Variants in ZNF385D observed in about 807,000 individuals in gnomAD.
ZNF385D encodes the protein zinc finger protein 385D.
In ZNF385D, 15 loss-of-function variants were observed where a neutral mutation model predicts 35.8. The ratio of observed to expected loss-of-function variants is 0.42; its 90% CI spans 0.28 to 0.64. The LOEUF (loss-of-function observed/expected upper bound fraction) is 0.64. Ranked by LOEUF, ZNF385D falls within the 30% of genes least tolerant of loss-of-function variation. The pLI is 0.23. For synonymous variants in ZNF385D, 212 were observed against 186.8 expected (o/e 1.13, Z -1.10); for missense variants, 474 against 494.6 (o/e 0.96, Z 0.39).
chr3:22,287,710 C>T (rs529806397), intron 2 of ZNF385D, among the ~76,000 whole-genome samples: 1 of 152,106 alleles, frequency 6.6e-6, no homozygotes, highest in African/African-American at 2.4e-5. Flanking sequence ...TTGCATCCCT[C>T]AACAAGATAT....
chr3:22,184,818 A>G (rs977603564), intron 2 of ZNF385D, among the ~76,000 whole-genome samples: 2 of 152,154 alleles, frequency 1.3e-5, no homozygotes, highest in Non-Finnish European at 2.9e-5. Context: ...AAACAAAACG[A>G]AAAAGGACAA....
intron 2 of ZNF385D, among the ~76,000 whole-genome samples, chr3:22,334,592 T>C (rs1695082824): frequency 6.6e-6 from 1 of 152,202 alleles, no homozygotes; most frequent in Non-Finnish European, 1.5e-5. Context: ...AAAGTTATCA[T>C]CTGACCATAA....
chr3:22,168,994 T>C (rs1418862430), exon 3 of ZNF385D: 6 of 985,758 alleles, frequency 6.1e-6, no homozygotes, highest in African/African-American at 1.7e-5. Flanking sequence ...TCATCAGGTA[T>C]TAATTCAGCC....
chr3:21,977,909 G>A (rs1022353486), intron 3 of ZNF385D, among the ~76,000 whole-genome samples: 1 of 152,098 alleles, frequency 6.6e-6, no homozygotes, highest in African/African-American at 2.4e-5. Context: ...CGAGTAGAAT[G>A]CAGGCTGTTT....
chr3:22,191,299 T>C (rs1190690756), intron 2 of ZNF385D, among the ~76,000 whole-genome samples: 1 of 151,948 alleles, frequency 6.6e-6, no homozygotes, highest in Admixed American at 6.6e-5. Context: ...GAGAACAGCC[T>C]CAACATGGAG....
At chr3:21,564,441 G>C (rs1002036624) in intron 3 of ZNF385D, 133 bp downstream of exon 3, 17 of 498,610 alleles carry the variant, frequency 3.4e-5, no homozygotes, top group Non-Finnish European at 5.4e-5. Context: ...CACATAGTGA[G>C]TTAAAATGTT....
intron 3 of ZNF385D, among the ~76,000 whole-genome samples, chr3:21,894,120 T>C (rs1273053018): frequency 6.6e-6 from 1 of 152,184 alleles, no homozygotes; most frequent in Non-Finnish European, 1.5e-5. Context: ...CATAGTCATA[T>C]ATATCAAAAC....
chr3:21,646,203 G>A lies in ZNF385D; in HGVS notation c.165+18683C>T, dbSNP rs771426343. On this transcript the variant is annotated intron_variant, in intron 2 of 7. Transcript: ENST00000281523. This position sits in a 1 kb window ranked among gnomAD's most constrained non-coding sequence, Gnocchi z 4.3. ...GTATAATTTTTAGGGTGTCAAAACC[G>A]GCCATGTAAGTATATGCAATCATGG... Among the ~76,000 whole-genome samples, 7 of 152,132 alleles carry A rather than the reference G, an allele frequency of 4.6e-5. No individual in the cohort carries two copies. The highest frequency in any genetic ancestry group is 1.2e-4 in the African/African-American group (5 of 41,436).
At chr3:22,360,616 A>G (rs748921044) in intron 2 of ZNF385D, among the ~76,000 whole-genome samples, 11 of 152,024 alleles carry the variant, frequency 7.2e-5, no homozygotes, top group Non-Finnish European at 1.2e-4. Context: ...GTAACAAAGT[A>G]ATGACATGAA....
intron 2 of ZNF385D, among the ~76,000 whole-genome samples, chr3:22,225,955 G>A (rs1576525363): frequency 6.6e-6 from 1 of 152,106 alleles, no homozygotes; most frequent in Non-Finnish European, 1.5e-5. Context: ...AGCACAGGAA[G>A]GTTCTGTAAG....
intron 3 of ZNF385D, among the ~76,000 whole-genome samples, chr3:21,798,145 A>T (rs796911190): frequency 2.1e-4 from 32 of 152,252 alleles, no homozygotes; most frequent in Middle Eastern, 3.4e-3. Context: ...GAATATGGGA[A>T]ATCTCTGTAC....
chr3:22,145,879 C>G, intron 3 of ZNF385D, among the ~76,000 whole-genome samples: 1 of 152,188 alleles, frequency 6.6e-6, no homozygotes, highest in South Asian at 2.1e-4. Flanking sequence ...GGTTCCCAAA[C>G]CTCCAAGTAG....
intron 2 of ZNF385D, among the ~76,000 whole-genome samples, chr3:22,208,638 A>G (rs956699268): frequency 5.9e-5 from 9 of 151,930 alleles, no homozygotes; most frequent in Admixed American, 2.0e-4. Context: ...TGATTATTAC[A>G]CATTATTTGC....
At chr3:22,156,776 C>T (rs535745057) in intron 3 of ZNF385D, among the ~76,000 whole-genome samples, 1 of 152,168 alleles carries the variant, frequency 6.6e-6, no homozygotes, top group East Asian at 1.9e-4. Context: ...ATTTAAAGGA[C>T]CGAACGCATA....
intron 3 of ZNF385D, among the ~76,000 whole-genome samples, chr3:22,110,507 A>G (rs1399696190): frequency 6.6e-6 from 1 of 152,118 alleles, no homozygotes; most frequent in Non-Finnish European, 1.5e-5. Flanking sequence ...ACGAAGCTGG[A>G]AACCATCATT....
chr3:22,123,958 CTCTCTATATATA>C lies in ZNF385D; in HGVS notation c.325+44847_325+44858del, dbSNP rs1357062003. Among the ~76,000 whole-genome samples, 526 of 79,720 alleles carry C rather than the reference CTCTCTATATATA, an allele frequency of 6.6e-3. 2 individuals carry two copies. The highest frequency in any genetic ancestry group is 0.011 in the Non-Finnish European group (391 of 35,922). 52.3% of individuals were successfully genotyped at this position (79,720 alleles called of 152,430 possible). A position where few individuals can be genotyped will look rare whatever the true frequency, so the allele number is the denominator to read the frequency against. On this transcript the variant is annotated intron_variant, in intron 3 of 5. Coordinates refer to the ZNF385D transcript ENST00000494108. ...TCTCTCTCTCTCTCTCTCTCTCTCT[CTCTCTATATATA>C]TATATATATATATATATATTGCTGA...
At chr3:21,921,377 C>G (rs1372010074) in intron 3 of ZNF385D, among the ~76,000 whole-genome samples, 1 of 152,032 alleles carries the variant, frequency 6.6e-6, no homozygotes, top group African/African-American at 2.4e-5. Flanking sequence ...TGATGCTATT[C>G]TTAGAGGATG....
chr3:21,570,072 A>T (rs187677701), intron 2 of ZNF385D, among the ~76,000 whole-genome samples: 4,450 of 151,126 alleles, frequency 0.029, 144 homozygotes, highest in African/African-American at 0.089. Flanking sequence ...ATAATAATAA[A>T]AAAAATTACA....
chr3:22,105,396 C>G (rs1414240118), intron 3 of ZNF385D, among the ~76,000 whole-genome samples: 1 of 150,472 alleles, frequency 6.6e-6, no homozygotes, highest in African/African-American at 2.4e-5. Flanking sequence ...TGTGTGTATA[C>G]ATATATAAAT....
Sources: allele counts gnomAD v4.1 joint callset (sites outside exome capture counted in the v4.1 genomes callset), GRCh38; gene constraint gnomAD v4.1.1; non-coding constraint Gnocchi (gnomAD v3.1); transcripts MANE v1.5; gene names NCBI Gene and HGNC (gene_info 2026-07-23, HGNC 2026-07-21).